The following NKAIN2 variants were observed in gnomAD, a reference collection of about 807,000 sequenced individuals.
NKAIN2 encodes sodium/potassium transporting ATPase interacting 2, also known as sodium/potassium-transporting ATPase subunit beta-1-interacting protein 2.
A neutral mutation model predicts 32.6 loss-of-function variants in NKAIN2; 14 were observed. The observed-to-expected ratio is 0.43, with a 90% CI of 0.28 to 0.67. The LOEUF is 0.67. Among genes scored for constraint, NKAIN2 ranks in the 30% least tolerant of loss-of-function variants. The pLI, the probability that NKAIN2 is intolerant of heterozygous loss-of-function variation, is 0.17. For missense variants in NKAIN2, 198 were observed against 258.3 expected, an observed-to-expected ratio of 0.77 and a Z score of 1.60; for synonymous variants, 80 against 87.2, an observed-to-expected ratio of 0.92 and a Z score of 0.46.
intron 1 of NKAIN2, among the ~76,000 whole-genome samples, chr6:124,070,157 C>T (rs953734705): frequency 6.6e-6 from 1 of 152,002 alleles, no homozygotes; most frequent in East Asian, 1.9e-4. Flanking sequence ...CTGCTATATT[C>T]GCTGCTTTTC....
intron 1 of NKAIN2, among the ~76,000 whole-genome samples, chr6:123,837,672 CTTA>C (rs1774688035): frequency 1.3e-5 from 2 of 152,106 alleles, no homozygotes; most frequent in African/African-American, 2.4e-5. Context: ...CTTGGCCTAT[CTTA>C]CCACTCAGAG....
chr6:124,444,764 T>G (rs1775822519), intron 3 of NKAIN2, among the ~76,000 whole-genome samples: 1 of 151,868 alleles, frequency 6.6e-6, no homozygotes, highest in Non-Finnish European at 1.5e-5. Flanking sequence ...AACACAAAAA[T>G]TACAAAAAAG....
chr6:124,732,295 G>A (rs1776720269), intron 4 of NKAIN2, among the ~76,000 whole-genome samples: 1 of 152,074 alleles, frequency 6.6e-6, no homozygotes, highest in African/African-American at 2.4e-5. Flanking sequence ...TGGTGCCATA[G>A]AGAAGAGTAA....
chr6:124,310,111 A>G (rs910164078), intron 2 of NKAIN2, among the ~76,000 whole-genome samples: 1 of 152,168 alleles, frequency 6.6e-6, no homozygotes, highest in Non-Finnish European at 1.5e-5. Context: ...AAAGCACACA[A>G]CTGATGAAAT....
chr6:123,989,613 T>C lies in NKAIN2; in HGVS notation c.54+185359T>C, dbSNP rs141231029. Among the ~76,000 whole-genome samples, 1,402 of 152,294 alleles carry C rather than the reference T, an allele frequency of 9.2e-3. 60 individuals carry two copies. The highest frequency in any genetic ancestry group is 0.083 in the Admixed American group (1,261 of 15,284). On this transcript the variant is annotated intron_variant, in intron 1 of 6. Coordinates refer to ENST00000368417, the MANE Select transcript of NKAIN2 (RefSeq NM_001040214.3). ...GCAATCTTTGTCTAATAATTACTTG[T>C]CACAGTTTTAAGTTTTTGCTTTGAT...
chr6:124,616,148 TCTTC>T (rs1189944512), intron 3 of NKAIN2, among the ~76,000 whole-genome samples: 3 of 152,102 alleles, frequency 2.0e-5, no homozygotes, highest in African/African-American at 7.2e-5. Context: ...TCTATCCTCT[TCTTC>T]TGGCTGGAAA....
At chr6:124,613,634 G>C (rs997644896) in intron 3 of NKAIN2, among the ~76,000 whole-genome samples, 3 of 152,160 alleles carry the variant, frequency 2.0e-5, no homozygotes, top group African/African-American at 7.2e-5. Flanking sequence ...AGAAATGTCT[G>C]GTCCTTCAAA....
intron 3 of NKAIN2, among the ~76,000 whole-genome samples, chr6:124,439,865 T>G (rs919002502): frequency 1.3e-5 from 2 of 152,002 alleles, no homozygotes; most frequent in Admixed American, 6.6e-5. Flanking sequence ...TCTATCTCCT[T>G]CCTCTCTCGA....
In NKAIN2 at chr6:124,030,846, G is replaced by T. The variant is rs78604618; in HGVS notation, c.54+226592G>T. On this transcript the variant is annotated intron_variant, in intron 1 of 6. Coordinates refer to ENST00000368417, the MANE Select transcript of NKAIN2 (RefSeq NM_001040214.3). ...GGAATTCAACACTGCTAGTACCCAA[G>T]ATGGAGAGGATCTACTGTTCTCTTT... Among the ~76,000 whole-genome samples the T allele has an allele frequency of 6.6e-3, 1,007 of 152,254 alleles. 9 individuals are homozygous for T. The highest frequency in any genetic ancestry group is 0.021 in the African/African-American group (879 of 41,556).
intron 4 of NKAIN2, among the ~76,000 whole-genome samples, chr6:124,783,556 T>A (rs1273033498): frequency 1.3e-5 from 2 of 152,140 alleles, no homozygotes; most frequent in Non-Finnish European, 2.9e-5. Flanking sequence ...TTATTGCAGG[T>A]TGATAACTGC....
intron 4 of NKAIN2, among the ~76,000 whole-genome samples, chr6:124,764,520 G>A (rs547650802): frequency 6.6e-6 from 1 of 152,216 alleles, no homozygotes; most frequent in South Asian, 2.1e-4. Flanking sequence ...CAAGAGACAG[G>A]CAGAAGAGTC....
chr6:123,900,127 G>A (rs1051656970), intron 1 of NKAIN2, among the ~76,000 whole-genome samples: 3 of 152,002 alleles, frequency 2.0e-5, no homozygotes, highest in South Asian at 2.1e-4. Flanking sequence ...ATTAGAAATC[G>A]GAACATATGT....
intron 1 of NKAIN2, among the ~76,000 whole-genome samples, chr6:123,981,842 A>G (rs1380112709): frequency 4.6e-5 from 7 of 152,104 alleles, no homozygotes; most frequent in Non-Finnish European, 1.0e-4. Context: ...AGAGCAGGCA[A>G]AGGGAGCAGA....
chr6:124,512,881 A>T (rs563837703), intron 3 of NKAIN2, among the ~76,000 whole-genome samples: 1 of 152,318 alleles, frequency 6.6e-6, no homozygotes, highest in Non-Finnish European at 1.5e-5. Flanking sequence ...GAAAAATGGT[A>T]GTTCCAGACT....
At chr6:124,399,536 T>A (rs1007566957) in intron 3 of NKAIN2, among the ~76,000 whole-genome samples, 3 of 152,176 alleles carry the variant, frequency 2.0e-5, no homozygotes, top group Non-Finnish European at 2.9e-5. Flanking sequence ...AACTCCCATG[T>A]GGCCTACAGA....
At chr6:124,535,308 GAA>G in intron 3 of NKAIN2, among the ~76,000 whole-genome samples, 1 of 152,282 alleles carries the variant, frequency 6.6e-6, no homozygotes, top group South Asian at 2.1e-4. Context: ...GAGGCTTTGA[GAA>G]AAAGACTGGT....
chr6:124,445,753 GA>G (rs1775863694), intron 3 of NKAIN2, among the ~76,000 whole-genome samples: 1 of 138,538 alleles, frequency 7.2e-6, no homozygotes, highest in South Asian at 2.4e-4. Context: ...GAGGAAAAAA[GA>G]AAAAAACAAA....
At chr6:124,722,565 G>A (rs577564021) in intron 4 of NKAIN2, among the ~76,000 whole-genome samples, 8 of 152,200 alleles carry the variant, frequency 5.3e-5, no homozygotes, top group East Asian at 1.9e-4. Flanking sequence ...CACGTGCATC[G>A]CAGTTCACTA....
At position 124,394,493 on chromosome 6, in the gene NKAIN2, AGATAGATAGATAGATT is replaced by A. The variant is rs1278875941; in HGVS notation, c.273+39147_273+39162del. On this transcript the variant is annotated intron_variant, in intron 3 of 6. Coordinates refer to ENST00000368417, the MANE Select transcript of NKAIN2 (RefSeq NM_001040214.3). ...TAGATAGATAGATAGATAGATAGAT[AGATAGATAGATAGATT>A]AGATAGATACAGACAGACAGATAGA... 5.3e-4 allele frequency among the ~76,000 whole-genome samples: 80 copies of A among 151,814 alleles called. 2 individuals are homozygous for A. The highest frequency in any genetic ancestry group is 4.1e-4 in the Non-Finnish European group (28 of 67,862).
Sources: allele counts gnomAD v4.1 joint callset (sites outside exome capture counted in the v4.1 genomes callset), GRCh38; gene constraint gnomAD v4.1.1; transcripts MANE v1.5; gene names NCBI Gene and HGNC (gene_info 2026-07-23, HGNC 2026-07-21).